The following ASAH2 variants were observed in gnomAD, a reference collection of about 807,000 sequenced individuals.
The protein encoded by ASAH2 is N-acylsphingosine amidohydrolase 2, also known as neutral ceramidase.
In ASAH2, 58 loss-of-function variants were observed where a neutral mutation model predicts 82.9. The observed-to-expected ratio is 0.70, with a 90% confidence interval of 0.57 to 0.87. The LOEUF (loss-of-function observed/expected upper bound fraction) is 0.87. Among genes scored for constraint, ASAH2 ranks in the 40% least tolerant of loss-of-function variants. The pLI is 0.00. For synonymous variants in ASAH2, 276 were observed against 289.7 expected (o/e 0.95, Z 0.48); for missense variants, 779 against 834.0 (o/e 0.93, Z 0.81).
chr10:50,211,933 A>G (rs1238664850), intron 10 of ASAH2, among the ~76,000 whole-genome samples: 2 of 152,152 alleles, frequency 1.3e-5, no homozygotes, highest in African/African-American at 2.4e-5. Flanking sequence ...TGTGGGTCAA[A>G]TCTCTATGAC....
chr10:50,210,793 A>C, intron 12 of ASAH2, 30 bp downstream of exon 12: 3 of 1,533,196 alleles, frequency 2.0e-6, no homozygotes, highest in African/African-American at 1.4e-5. Flanking sequence ...CAGAAGCTGA[A>C]ACCATAGATT....
At chr10:50,248,791 G>A (rs1004668094) in intron 1 of ASAH2, among the ~76,000 whole-genome samples, 145 bp from the exon 2 acceptor site, 1 of 152,184 alleles carries the variant, frequency 6.6e-6, no homozygotes. Context: ...CAAGCCCATG[G>A]CAGACAAGAC....
intron 17 of ASAH2, 101 bp downstream of exon 17, chr10:50,198,950 C>G: frequency 7.6e-7 from 1 of 1,311,292 alleles, no homozygotes; most frequent in Non-Finnish European, 1.1e-6. Flanking sequence ...TCTTTCACTT[C>G]CCTCTGCATT....
intron 1 of ASAH2, among the ~76,000 whole-genome samples, chr10:50,250,652 A>G (rs1342769581): frequency 6.6e-6 from 1 of 152,200 alleles, no homozygotes; most frequent in Non-Finnish European, 1.5e-5. Context: ...CTACTAGCCA[A>G]GATGACTGAC....
At chr10:50,232,105 G>T (rs970016946) in intron 7 of ASAH2, among the ~76,000 whole-genome samples, 4 of 152,110 alleles carry the variant, frequency 2.6e-5, no homozygotes, top group African/African-American at 9.7e-5. Flanking sequence ...TTACCATGTT[G>T]TTCTCCACCT....
intron 16 of ASAH2, among the ~76,000 whole-genome samples, chr10:50,200,561 T>A (rs1845117799): frequency 6.6e-6 from 1 of 152,096 alleles, no homozygotes; most frequent in African/African-American, 2.4e-5. Context: ...ATACCCAGTC[T>A]GGGCTGGTGC....
At chr10:50,244,956 A>T (rs1400863989) in intron 3 of ASAH2, among the ~76,000 whole-genome samples, 7 of 149,060 alleles carry the variant, frequency 4.7e-5, no homozygotes, top group Non-Finnish European at 1.5e-5. Flanking sequence ...GTGCCTGCTC[A>T]CCCCCTGTAG....
intron 7 of ASAH2, among the ~76,000 whole-genome samples, chr10:50,223,036 G>A (rs1434952907): frequency 6.6e-6 from 1 of 152,140 alleles, no homozygotes; most frequent in Non-Finnish European, 1.5e-5. Flanking sequence ...GAATCAGCAT[G>A]ATGTAATTAA....
Position 50,206,048 on chromosome 10 carries a change from C to T in ASAH2, c.1464G>A (p.Leu488=), listed in dbSNP as rs1240685691. ...PFWDTIRDQI[L]GKPSEEIKEC... ...CTTTAATTTCTTCAGATGGCTTTCC[C>T]AGGATCTGGTCCCGAATGGTGTCCC... is the stretch of plus-strand genomic sequence containing the variant. The change falls in exon 13 of 21, where the codon CTG becomes CTA. Residue 488 remains leucine (L), a synonymous_variant. Coordinates refer to ENST00000682911, the MANE Select transcript of ASAH2 (RefSeq NM_019893.4). 1 of 1,612,530 alleles carries T rather than the reference C, an allele frequency of 6.2e-7. No individual in the cohort carries two copies. Among genetic ancestry groups the T allele is most frequent in the Non-Finnish European group, 8.5e-7 (1 of 1,178,936 alleles).
chr10:50,244,437 G>A (rs563383987), intron 3 of ASAH2, among the ~76,000 whole-genome samples: 3 of 152,286 alleles, frequency 2.0e-5, no homozygotes, highest in African/African-American at 7.2e-5. Flanking sequence ...TTTATTTAGG[G>A]TTCACATTCC....
intron 12 of ASAH2, among the ~76,000 whole-genome samples, chr10:50,207,043 A>T (rs1163497742): frequency 2.0e-5 from 3 of 152,010 alleles, no homozygotes; most frequent in Non-Finnish European, 4.4e-5. Flanking sequence ...AAGCTTGCAA[A>T]TATGCAGAAA....
chr10:50,222,171 A>G (rs1326503479), intron 7 of ASAH2, among the ~76,000 whole-genome samples: 1 of 152,224 alleles, frequency 6.6e-6, no homozygotes, highest in Non-Finnish European at 1.5e-5. Context: ...GATCGTAAAG[A>G]GGAATCAGAT....
chr10:50,250,491 C>T (rs1350883146), intron 1 of ASAH2, among the ~76,000 whole-genome samples: 1 of 152,186 alleles, frequency 6.6e-6, no homozygotes, highest in Non-Finnish European at 1.5e-5. Flanking sequence ...CTTCTATTGT[C>T]AGTTTCCAGG....
chr10:50,218,419 T>C, intron 8 of ASAH2, 91 bp downstream of exon 8: 2 of 1,558,710 alleles, frequency 1.3e-6, no homozygotes, highest in South Asian at 2.2e-5. Context: ...TGACACTTTA[T>C]TCTGGAGATT....
At chr10:50,247,538 AG>A (rs1846496150) in intron 2 of ASAH2, among the ~76,000 whole-genome samples, 1 of 152,048 alleles carries the variant, frequency 6.6e-6, no homozygotes, top group South Asian at 2.1e-4. Context: ...GCTGGATCAG[AG>A]GATCTCTGAT....
intron 16 of ASAH2, among the ~76,000 whole-genome samples, chr10:50,201,786 G>A (rs1224614342): frequency 6.6e-6 from 1 of 152,116 alleles, no homozygotes; most frequent in African/African-American, 2.4e-5. Flanking sequence ...AACCAATGTT[G>A]TGATACAGTA....
intron 4 of ASAH2, among the ~76,000 whole-genome samples, chr10:50,241,877 G>A (rs368419518): frequency 6.0e-4 from 92 of 152,114 alleles, no homozygotes; most frequent in Middle Eastern, 3.4e-3. Context: ...CACACACTGG[G>A]GCCTGTCGGT....
intron 4 of ASAH2, among the ~76,000 whole-genome samples, chr10:50,242,437 T>C (rs1478486363): frequency 6.6e-6 from 1 of 152,216 alleles, no homozygotes; most frequent in African/African-American, 2.4e-5. Flanking sequence ...ATGATCATTG[T>C]TCTGGTCAAT....
At chr10:50,209,197 AG>A (rs1228741579) in intron 12 of ASAH2, among the ~76,000 whole-genome samples, 2 of 152,134 alleles carry the variant, frequency 1.3e-5, no homozygotes, top group African/African-American at 4.8e-5. Context: ...ATAAGAAAAT[AG>A]GGGGAAATCT....
Sources: gnomAD v4.1 joint callset for allele counts (sites outside exome capture counted in the v4.1 genomes callset) on GRCh38, gnomAD v4.1.1 for gene constraint, MANE v1.5 for transcripts, NCBI Gene and HGNC (gene_info 2026-07-23, HGNC 2026-07-21) for gene names.